The following FSHR variants were observed in gnomAD, a reference collection of about 807,000 sequenced individuals.
FSHR encodes follicle stimulating hormone receptor.
FSHR carries 46 observed loss-of-function variants against 52.1 expected under a neutral mutation model. The observed-to-expected ratio is 0.88, with a 90% CI of 0.70 to 1.13. The LOEUF (loss-of-function observed/expected upper bound fraction) is 1.13. Ranked by LOEUF, FSHR falls within the 50% of genes most tolerant of loss-of-function variation. The probability of loss-of-function intolerance (pLI) is 0.00; values close to 1 mark genes in which losing one functional copy is unlikely to be tolerated. For missense variants in FSHR, 964 were observed against 834.6 expected (o/e 1.16, Z -1.91); for synonymous variants, 399 against 309.6 (o/e 1.29, Z -3.03).
Position 49,154,366 on chromosome 2 carries a change from A to G in FSHR, c.52T>C (p.Cys18Arg). 6.2e-7 allele frequency: 1 copy of G among 1,613,456 alleles called. No individual in the cohort carries two copies. The highest frequency in any genetic ancestry group is 8.5e-7 in the Non-Finnish European group (1 of 1,179,880). Residue 18 changes from cysteine to arginine, a missense_variant, in exon 1 of 10, where the codon TGT becomes CGT. Physicochemically the swap from Cys to Arg is radical, Grantham distance 180 (BLOSUM62 -3). Transcript: ENST00000406846. ...GAGCAGTGACAGATCCGATGATGAC[A>G]TCCTGAGCCCAAGCTCAGGAATGCC... Reference protein sequence around the residue: ...LLAFLSLGSGCHHRICHCSNR... With the variant: ...LLAFLSLGSGRHHRICHCSNR...
At chr2:49,022,439 G>A (rs1667759644) in intron 2 of FSHR, among the ~76,000 whole-genome samples, 1 of 152,072 alleles carries the variant, frequency 6.6e-6, no homozygotes, top group Non-Finnish European at 1.5e-5. Context: ...GTACAGTCAT[G>A]GAAAAGTCCT....
At chr2:49,004,565 G>C (rs951758621) in intron 4 of FSHR, among the ~76,000 whole-genome samples, 1 of 152,196 alleles carries the variant, frequency 6.6e-6, no homozygotes, top group Non-Finnish European at 1.5e-5. Context: ...TTCAGGGCTA[G>C]AGTAGATCTT....
intron 6 of FSHR, 105 bp from the exon 7 acceptor site, chr2:48,983,271 C>T (rs1675339924): frequency 1.9e-6 from 2 of 1,038,538 alleles, no homozygotes; most frequent in East Asian, 2.5e-5. Context: ...AGGTTAGTGG[C>T]ATAAAGAAAA....
intron 4 of FSHR, among the ~76,000 whole-genome samples, chr2:49,013,644 C>A (rs376286167): frequency 6.6e-6 from 1 of 150,642 alleles, no homozygotes; most frequent in Non-Finnish European, 1.5e-5. Context: ...AAAGGTCCAC[C>A]CTGGGCAGTA....
At chr2:49,088,003 C>T (rs1670463555) in intron 1 of FSHR, among the ~76,000 whole-genome samples, 1 of 152,158 alleles carries the variant, frequency 6.6e-6, no homozygotes, top group Non-Finnish European at 1.5e-5. Context: ...TTTGCAGTAT[C>T]TAATATAATC....
Position 48,963,369 on chromosome 2 carries a change from G to T in FSHR, c.1452C>A (p.Arg484=). ...CCATCACCATGACACTGGCAGCATG[G>T]CGGAGCTGCACCTTGCAGTCCAGCT... ...AMQLDCKVQL[R]HAASVMVMGW... The change falls in exon 10 of 10, where the codon CGC becomes CGA. Residue 484 remains arginine (R), a synonymous_variant. Transcript: ENST00000406846. The T allele has an allele frequency of 6.2e-7, 1 of 1,614,020 alleles. No individual in the cohort carries two copies. Among genetic ancestry groups the T allele is most frequent in the Non-Finnish European group, 8.5e-7 (1 of 1,179,974 alleles).
chr2:49,044,549 T>A (rs1668589930), intron 2 of FSHR, among the ~76,000 whole-genome samples: 1 of 152,160 alleles, frequency 6.6e-6, no homozygotes, highest in Non-Finnish European at 1.5e-5. Context: ...CCAGCACAGA[T>A]TTCATTCTGC....
At chr2:49,129,241 C>T (rs1033608540) in intron 1 of FSHR, among the ~76,000 whole-genome samples, 2 of 152,118 alleles carry the variant, frequency 1.3e-5, no homozygotes, top group Admixed American at 6.6e-5. Flanking sequence ...TCACACCTCA[C>T]GTCACCCATC....
intron 1 of FSHR, among the ~76,000 whole-genome samples, chr2:49,083,638 G>A (rs1340869547): frequency 6.7e-6 from 1 of 150,044 alleles, no homozygotes; most frequent in African/African-American, 2.5e-5. Context: ...CAAAATAAAA[G>A]GATGGAGGAA....
At chr2:48,966,514 C>T (rs1035217750) in intron 9 of FSHR, among the ~76,000 whole-genome samples, 4 of 152,132 alleles carry the variant, frequency 2.6e-5, no homozygotes, top group South Asian at 2.1e-4. Flanking sequence ...TCCAGGAGGA[C>T]CACTGGCCAA....
intron 1 of FSHR, among the ~76,000 whole-genome samples, chr2:49,126,249 C>T (rs1457165697): frequency 1.3e-5 from 2 of 151,720 alleles, no homozygotes; most frequent in African/African-American, 4.8e-5. Context: ...CTGTCAAGGG[C>T]CTTTGTGCTT....
At chr2:49,113,912 C>A (rs1671512507) in intron 1 of FSHR, among the ~76,000 whole-genome samples, 1 of 152,166 alleles carries the variant, frequency 6.6e-6, no homozygotes, top group Admixed American at 6.5e-5. Context: ...CCTCAAGAGA[C>A]TTCAGAGTTG....
chr2:49,120,170 C>A (rs1303613177), intron 1 of FSHR, among the ~76,000 whole-genome samples: 2 of 152,184 alleles, frequency 1.3e-5, no homozygotes, highest in Non-Finnish European at 2.9e-5. Context: ...ACTCAGGAGG[C>A]TGAGGCAGGA....
intron 4 of FSHR, among the ~76,000 whole-genome samples, chr2:48,994,117 C>T (rs531596831): frequency 1.3e-5 from 2 of 152,116 alleles, no homozygotes; most frequent in African/African-American, 4.8e-5. Flanking sequence ...CAATGTTTGC[C>T]AAGCTCTTTA....
chr2:49,030,000 A>G (rs12465603), intron 2 of FSHR, among the ~76,000 whole-genome samples: 7,314 of 152,226 alleles, frequency 0.048, 592 homozygotes, highest in East Asian at 0.23. Context: ...TCCATGCCGC[A>G]TCCTTCTTAT....
chr2:49,002,200 T>G (rs900494734), intron 4 of FSHR, among the ~76,000 whole-genome samples: 1 of 152,180 alleles, frequency 6.6e-6, no homozygotes, highest in African/African-American at 2.4e-5. Flanking sequence ...TGATTTCTGT[T>G]ACTCATGCCC....
intron 4 of FSHR, among the ~76,000 whole-genome samples, chr2:48,991,572 T>A (rs181963950): frequency 2.0e-5 from 3 of 152,230 alleles, no homozygotes; most frequent in Non-Finnish European, 2.9e-5. Context: ...CTGATGGGCA[T>A]CTCTCACAGT....
intron 2 of FSHR, among the ~76,000 whole-genome samples, chr2:49,045,374 T>C (rs984556673): frequency 2.6e-5 from 4 of 152,198 alleles, no homozygotes; most frequent in African/African-American, 9.6e-5. Context: ...CCTCAGTGAT[T>C]TGTATGCACA....
At chr2:48,978,896 G>C (rs1675112880) in intron 8 of FSHR, among the ~76,000 whole-genome samples, 1 of 152,144 alleles carries the variant, frequency 6.6e-6, no homozygotes, top group African/African-American at 2.4e-5. Context: ...TTGAGTGTGT[G>C]CCCCTTAATT....
Sources: allele counts gnomAD v4.1 joint callset (sites outside exome capture counted in the v4.1 genomes callset), GRCh38; gene constraint gnomAD v4.1.1; transcripts MANE v1.5; gene names NCBI Gene and HGNC (gene_info 2026-07-23, HGNC 2026-07-21).